Variants in TMEM74 observed in about 807,000 individuals in gnomAD.
TMEM74 encodes the protein transmembrane protein 74.
TMEM74 carries 13 observed loss-of-function variants against 18.1 expected under a neutral mutation model. The ratio of observed to expected loss-of-function variants is 0.72; its 90% confidence interval spans 0.47 to 1.14. The LOEUF (loss-of-function observed/expected upper bound fraction) is 1.14. Ranked by LOEUF, TMEM74 falls within the 50% of genes most tolerant of loss-of-function variation. TMEM74 has a pLI of 0.00. For missense variants in TMEM74, 372 were observed against 375.9 expected (o/e 0.99, Z 0.09); for synonymous variants, 159 against 146.6 (o/e 1.08, Z -0.61).
At chr8:108,703,588 T>TA (rs1813359730) in intron 1 of TMEM74, among the ~76,000 whole-genome samples, 1 of 152,136 alleles carries the variant, frequency 6.6e-6, no homozygotes, top group South Asian at 2.1e-4. Flanking sequence ...GGATGAACCC[T>TA]AAAAAAAGAG....
At chr8:108,765,271 C>T (rs1406664370) in intron 1 of TMEM74, among the ~76,000 whole-genome samples, 1 of 152,104 alleles carries the variant, frequency 6.6e-6, no homozygotes, top group Admixed American at 6.5e-5. Flanking sequence ...ACTCTCTGCT[C>T]TCACTGTCAG....
intron 1 of TMEM74, among the ~76,000 whole-genome samples, chr8:108,760,182 G>A (rs1033576098): frequency 2.6e-5 from 4 of 151,640 alleles, no homozygotes; most frequent in Non-Finnish European, 4.4e-5. Flanking sequence ...GAGGGAGAGA[G>A]AGAGGGAGAG....
intron 1 of TMEM74, among the ~76,000 whole-genome samples, chr8:108,759,522 A>G (rs1317746640): frequency 2.0e-5 from 3 of 152,138 alleles, no homozygotes; most frequent in East Asian, 1.9e-4. Flanking sequence ...TGATATGTCC[A>G]TAAAGTGAAT....
intron 1 of TMEM74, among the ~76,000 whole-genome samples, chr8:108,700,700 G>T (rs1278650690): frequency 6.6e-6 from 1 of 152,156 alleles, no homozygotes; most frequent in Non-Finnish European, 1.5e-5. Context: ...AATTCGTGAT[G>T]TAGTTGAAAT....
At chr8:108,621,778 T>A (rs1479586558) in intron 2 of TMEM74, among the ~76,000 whole-genome samples, 1 of 152,144 alleles carries the variant, frequency 6.6e-6, no homozygotes, top group African/African-American at 2.4e-5. Context: ...AATTTCTTAG[T>A]GCTTGTCACC....
intron 1 of TMEM74, among the ~76,000 whole-genome samples, chr8:108,720,671 A>G (rs553073680): frequency 1.3e-5 from 2 of 152,334 alleles, no homozygotes; most frequent in Admixed American, 6.5e-5. Context: ...AAAGACGATC[A>G]ATATAAAGTT....
exon 3 of TMEM74, chr8:108,608,775 A>G (rs1044941550): frequency 6.6e-6 from 1 of 152,206 alleles, no homozygotes; most frequent in African/African-American, 2.4e-5. Context: ...AACTGTAGAT[A>G]AAGAATCTTT....
chr8:108,741,382 A>G (rs991342911), intron 1 of TMEM74, among the ~76,000 whole-genome samples: 1 of 152,218 alleles, frequency 6.6e-6, no homozygotes, highest in Non-Finnish European at 1.5e-5. Context: ...AAAGCATTAC[A>G]TAGTAAAACA....
intron 1 of TMEM74, among the ~76,000 whole-genome samples, chr8:108,723,461 CAT>C (rs951652111): frequency 8.3e-5 from 12 of 144,798 alleles, no homozygotes; most frequent in South Asian, 4.4e-4. Flanking sequence ...TGTGTGTGTG[CAT>C]ATATATATAT....
chr8:108,767,049 T>G (rs185078785), intron 1 of TMEM74, among the ~76,000 whole-genome samples: 365 of 152,312 alleles, frequency 2.4e-3, no homozygotes, highest in Non-Finnish European at 3.8e-3. Context: ...CCCAGTCCAC[T>G]GACTCAAATG....
intron 1 of TMEM74, among the ~76,000 whole-genome samples, chr8:108,767,227 G>T (rs1814118496): frequency 6.6e-6 from 1 of 152,130 alleles, no homozygotes; most frequent in Non-Finnish European, 1.5e-5. Context: ...ACACTCATCA[G>T]AGAATTCAAC....
chr8:108,719,833 T>C (rs764620392), intron 1 of TMEM74, among the ~76,000 whole-genome samples: 4 of 152,138 alleles, frequency 2.6e-5, no homozygotes, highest in Admixed American at 6.5e-5. Flanking sequence ...TGACTTTTGA[T>C]CCATATTGCA....
At chr8:108,705,770 T>G (rs1297221305) in intron 1 of TMEM74, among the ~76,000 whole-genome samples, 1 of 152,194 alleles carries the variant, frequency 6.6e-6, no homozygotes, top group Non-Finnish European at 1.5e-5. Context: ...CCAAATCTAA[T>G]GCTCCATATT....
chr8:108,625,765 C>A (rs944786852), intron 2 of TMEM74, among the ~76,000 whole-genome samples: 6 of 151,890 alleles, frequency 4.0e-5, no homozygotes, highest in Middle Eastern at 3.2e-3. Context: ...TCTCTCTACC[C>A]AATATTAACC....
At chr8:108,754,223 T>G (rs1012959404) in intron 1 of TMEM74, among the ~76,000 whole-genome samples, 1 of 152,176 alleles carries the variant, frequency 6.6e-6, no homozygotes, top group Non-Finnish European at 1.5e-5. Flanking sequence ...TTTGTTGACA[T>G]GTATTTTATT....
At chr8:108,773,480 C>T (rs1814195491) in intron 1 of TMEM74, among the ~76,000 whole-genome samples, 2 of 152,086 alleles carry the variant, frequency 1.3e-5, no homozygotes, top group South Asian at 2.1e-4. Flanking sequence ...AAAATATGTA[C>T]GCATTCCTTC....
downstream of TMEM74, among the ~76,000 whole-genome samples, chr8:108,776,277 G>A (rs1814232939): frequency 6.6e-6 from 1 of 152,248 alleles, no homozygotes; most frequent in Non-Finnish European, 1.5e-5. Flanking sequence ...CAGATCACTT[G>A]AGGTAAGGAG....
At chr8:108,736,414 A>G (rs923955185) in intron 1 of TMEM74, among the ~76,000 whole-genome samples, 2 of 152,172 alleles carry the variant, frequency 1.3e-5, no homozygotes, top group Admixed American at 6.5e-5. Flanking sequence ...ATGATCCTAT[A>G]TAAATTAGTA....
intron 1 of TMEM74, among the ~76,000 whole-genome samples, chr8:108,756,513 G>A (rs1253966535): frequency 7.6e-6 from 1 of 132,086 alleles, no homozygotes; most frequent in Non-Finnish European, 1.6e-5. Flanking sequence ...ATGCATATCC[G>A]CAAATTTAGA....
Sources: allele counts gnomAD v4.1 joint callset (sites outside exome capture counted in the v4.1 genomes callset), GRCh38; gene constraint gnomAD v4.1.1; transcripts MANE v1.5; gene names NCBI Gene and HGNC (gene_info 2026-07-23, HGNC 2026-07-21).